FLT4: variants seen among roughly 807,000 people sequenced by gnomAD.
FLT4 encodes fms related receptor tyrosine kinase 4.
A neutral mutation model predicts 163.2 loss-of-function variants in FLT4; 30 were observed. The ratio of observed to expected loss-of-function variants is 0.18; its 90% CI spans 0.14 to 0.25. The LOEUF is 0.25. Ranked by LOEUF, FLT4 falls within the 10% of genes least tolerant of loss-of-function variation. FLT4 has a pLI of 1.00. For synonymous variants in FLT4, 884 were observed against 789.5 expected, an observed-to-expected ratio of 1.12 and a Z score of -2.01; for missense variants, 1,510 against 1,863.8, an observed-to-expected ratio of 0.81 and a Z score of 3.50.
rs1328098909 is a variant in FLT4, at chr5:180,620,316, G to A, written c.2407-8C>T. 22 of 1,610,432 alleles carry A rather than the reference G, an allele frequency of 1.4e-5. No homozygotes were observed. Among genetic ancestry groups the A allele is most frequent in the Non-Finnish European group, 1.8e-5 (21 of 1,179,944 alleles). On this transcript the variant is annotated splice_polypyrimidine_tract_variant and splice_region_variant and intron_variant, in intron 16 of 29. Coordinates refer to ENST00000261937, the MANE Select transcript of FLT4 (RefSeq NM_182925.5). The surrounding 1 kb of genome is among the most constrained non-coding windows in gnomAD (Gnocchi z 4.4). ...GATGTCTGCGTGGGCCGGCTGCGGG[G>A]AGGGGACAGGGAGGAGTGGGGCAGC...
rs986151831 is a variant in FLT4, at chr5:180,620,919, G to A, written c.2256C>T (p.Asn752=). The change falls in exon 15 of 30, where the codon AAC becomes AAT. Residue 752 remains asparagine (N), a synonymous_variant. Transcript: ENST00000261937. The surrounding 1 kb of genome is among the most constrained non-coding windows in gnomAD (Gnocchi z 4.4). ...DAGRYLCSVC[N]AKGCVNSSAS... is the part of the protein sequence containing the mutation. The stretch of plus-strand genomic sequence containing the variant: ...CGGAGGAGTTGACGCAGCCCTTGGC[G>A]TTGCACACGCTGCACAGATAGCGTC... The A allele has an allele frequency of 3.1e-6, 5 of 1,610,122 alleles. No individual in the cohort carries two copies. The highest frequency in any genetic ancestry group is 3.4e-6 in the Non-Finnish European group (4 of 1,178,698).
chr5:180,642,786 A>G (rs1765225069), intron 1 of FLT4, among the ~76,000 whole-genome samples: 1 of 152,236 alleles, frequency 6.6e-6, no homozygotes, highest in South Asian at 2.1e-4. Context: ...AATGTGGAGA[A>G]GGAGGCACCC....
rs1402501710 is a variant in FLT4 at position 180,608,948 on chromosome 5, G to C, written c.3893+20C>G. 1 of 1,600,356 alleles carries C rather than the reference G, an allele frequency of 6.2e-7. No individual in the cohort carries two copies. Among genetic ancestry groups the C allele is most frequent in the Non-Finnish European group, 8.6e-7 (1 of 1,167,544 alleles). ...GGCAACATCGATACCTGCAGTGCAGGAGGCTCACGAAGCCCTTACCTGAAG... is the reference window on the plus strand; with the variant it reads ...GGCAACATCGATACCTGCAGTGCAGCAGGCTCACGAAGCCCTTACCTGAAG... On this transcript the variant is annotated intron_variant, in intron 29 of 29. Transcript: ENST00000261937.
chr5:180,605,090 G>A (rs527511710), intron 29 of FLT4, among the ~76,000 whole-genome samples: 4 of 152,270 alleles, frequency 2.6e-5, no homozygotes, highest in Non-Finnish European at 4.4e-5. Context: ...CCTGCTGAGC[G>A]GCTGCTACCA....
At position 180,603,307 on chromosome 5, in the gene FLT4, G is replaced by GC. The variant is rs772530628; in HGVS notation, c.3976dup (p.Ala1326GlyfsTer118). On this transcript the variant is annotated frameshift_variant, in exon 30 of 30. Transcript: ENST00000261937. LOFTEE classifies it low-confidence loss of function (END_TRUNC). ...GTTGTAAAACACCTGGCCTCCTCGG[G>GC]CCCCCCGCTCAGGCCGCCGCCGCCT... The GC allele has an allele frequency of 9.3e-6, 15 of 1,613,908 alleles. No individual in the cohort carries two copies. Among genetic ancestry groups the GC allele is most frequent in the Admixed American group, 1.7e-5 (1 of 59,998 alleles).
chr5:180,621,965 G>A (rs1369043044), intron 12 of FLT4, 61 bp from the exon 13 acceptor site: 3 of 1,594,790 alleles, frequency 1.9e-6, no homozygotes, highest in African/African-American at 2.7e-5. Context: ...CCATCCACCT[G>A]CCGCCCCGGG....
Position 180,630,494 on chromosome 5 carries a change from G to A in FLT4, c.400+61C>T. 6.2e-7 allele frequency: 1 copy of A among 1,606,398 alleles called. No individual in the cohort carries two copies. The highest frequency in any genetic ancestry group is 8.5e-7 in the Non-Finnish European group (1 of 1,177,278). ...GCCAGCCCAGGGTCCACAGGCTGGGGGCGGTGTGGGCCCCAGCTGCCCGGG... is the reference window on the plus strand; with the variant it reads ...GCCAGCCCAGGGTCCACAGGCTGGGAGCGGTGTGGGCCCCAGCTGCCCGGG... On this transcript the variant is annotated intron_variant, in intron 3 of 29. Coordinates refer to ENST00000261937, the MANE Select transcript of FLT4 (RefSeq NM_182925.5). The surrounding 1 kb of genome is among the most constrained non-coding windows in gnomAD (Gnocchi z 6.3).
chr5:180,644,418 G>T (rs1382219334), intron 1 of FLT4, among the ~76,000 whole-genome samples: 1 of 152,240 alleles, frequency 6.6e-6, no homozygotes, highest in Non-Finnish European at 1.5e-5. Flanking sequence ...TGGCCATGAG[G>T]TGGTTAGAAA....
intron 8 of FLT4, among the ~76,000 whole-genome samples, chr5:180,628,656 G>A (rs56288500): frequency 0.014 from 2,059 of 152,314 alleles, 12 homozygotes; most frequent in Non-Finnish European, 0.021. Context: ...ACAGAAGGCT[G>A]GTACTGAAAC....
At chr5:180,605,904 C>T (rs1340951604) in intron 29 of FLT4, among the ~76,000 whole-genome samples, 1 of 152,188 alleles carries the variant, frequency 6.6e-6, no homozygotes, top group Non-Finnish European at 1.5e-5. Context: ...ATGATGTAAC[C>T]CAGGAGTGAG....
At chr5:180,604,983 T>C (rs1376005019) in intron 29 of FLT4, among the ~76,000 whole-genome samples, 1 of 152,190 alleles carries the variant, frequency 6.6e-6, no homozygotes, top group Non-Finnish European at 1.5e-5. Flanking sequence ...TCCCCCAAAA[T>C]GGGGGCTTGC....
chr5:180,647,850 G>A (rs921154214), intron 1 of FLT4, among the ~76,000 whole-genome samples: 1 of 152,112 alleles, frequency 6.6e-6, no homozygotes, highest in Non-Finnish European at 1.5e-5. Context: ...ACTTACTGCA[G>A]GGAATAGCTT....
At chr5:180,605,741 C>A (rs1455408557) in intron 29 of FLT4, among the ~76,000 whole-genome samples, 2 of 152,204 alleles carry the variant, frequency 1.3e-5, no homozygotes, top group African/African-American at 4.8e-5. Context: ...TAGTCTCTTA[C>A]CCAGAAGAGC....
At chr5:180,613,421 G>T in intron 24 of FLT4, 1 of 353,378 alleles carries the variant, frequency 2.8e-6, no homozygotes, top group Non-Finnish European at 5.1e-6. Flanking sequence ...CGGCGGGGGA[G>T]CCGCCTGCAG....
chr5:180,637,543 GTTTGT>G (rs1185863044), intron 1 of FLT4, among the ~76,000 whole-genome samples: 1 of 151,576 alleles, frequency 6.6e-6, no homozygotes, highest in African/African-American at 2.4e-5. Flanking sequence ...TTGTTTGTTT[GTTTGT>G]TTTGAGATGG....
At chr5:180,606,909 A>AAC (rs1554107732) in intron 29 of FLT4, among the ~76,000 whole-genome samples, 52 of 139,832 alleles carry the variant, frequency 3.7e-4, no homozygotes, top group Middle Eastern at 3.7e-3. Context: ...AAAAAAAAAA[A>AAC]AAAAAACAAA....
At chr5:180,645,815 C>T (rs888039192) in intron 1 of FLT4, among the ~76,000 whole-genome samples, 3 of 152,150 alleles carry the variant, frequency 2.0e-5, no homozygotes, top group African/African-American at 4.8e-5. Context: ...TGAAAAGGAT[C>T]GAAACTCAGG....
At position 180,603,097 on chromosome 5, in the gene FLT4, G is replaced by T; in HGVS notation, c.*95C>A. On this transcript the variant is annotated 3_prime_UTR_variant, in exon 30 of 30. Transcript: ENST00000261937. ...AAGAGGACACTCCTGTGCCACCAGA[G>T]TTCAACCAGATGAGTTCCCAGCCTG... is the stretch of plus-strand genomic sequence containing the variant. 8.1e-7 allele frequency: 1 copy of T among 1,234,488 alleles called. No individual in the cohort carries two copies. The highest frequency in any genetic ancestry group is 1.2e-6 in the Non-Finnish European group (1 of 849,418). 76.5% of individuals were successfully genotyped at this position (1,234,488 alleles called of 1,614,324 possible).
chr5:180,602,448 A>C lies in FLT4; in HGVS notation c.*744T>G, dbSNP rs537223604. 5.1e-6 allele frequency: 2 copies of C among 393,786 alleles called. No homozygotes were observed. The highest frequency in any genetic ancestry group is 3.6e-5 in the East Asian group (1 of 27,800). The allele number at this position is 393,786 out of a possible 1,614,324, so 24.4% of individuals were successfully genotyped here. A position where few individuals can be genotyped will look rare whatever the true frequency, so the allele number is the denominator to read the frequency against. On this transcript the variant is annotated 3_prime_UTR_variant, in exon 30 of 30. Transcript: ENST00000261937. ...GTACAGCTGTCCCTGGGCGCCTTCCAGGCTGAATTCGGAAAGCAAATTCTT... is the reference window on the plus strand; with the variant it reads ...GTACAGCTGTCCCTGGGCGCCTTCCCGGCTGAATTCGGAAAGCAAATTCTT...
Sources: gnomAD v4.1 joint callset for allele counts (sites outside exome capture counted in the v4.1 genomes callset) on GRCh38, gnomAD v4.1.1 for gene constraint, Gnocchi (gnomAD v3.1) non-coding constraint, MANE v1.5 for transcripts, NCBI Gene and HGNC (gene_info 2026-07-23, HGNC 2026-07-21) for gene names.